Variants in ALDH1L1 observed in about 807,000 individuals in gnomAD.
ALDH1L1 encodes cytosolic 10-formyltetrahydrofolate dehydrogenase.
ALDH1L1 carries 68 observed loss-of-function variants against 101.1 expected under a neutral mutation model. That is an observed-to-expected ratio of 0.67 (90% CI 0.55 to 0.82). The LOEUF (loss-of-function observed/expected upper bound fraction) is 0.82. ALDH1L1 is among the 40% of genes least tolerant of loss of function. The pLI, the probability that ALDH1L1 is intolerant of heterozygous loss-of-function variation, is 0.00. For missense variants in ALDH1L1, 1,087 were observed against 1,172.7 expected, an observed-to-expected ratio of 0.93 and a Z score of 1.07; for synonymous variants, 486 against 470.8, an observed-to-expected ratio of 1.03 and a Z score of -0.42.
At chr3:126,138,043 A>T (rs911607659) in intron 9 of ALDH1L1, 83 bp from the exon 10 acceptor site, 28 of 1,550,644 alleles carry the variant, frequency 1.8e-5, no homozygotes, top group Non-Finnish European at 2.2e-5. Flanking sequence ...GTGGGGCCAA[A>T]CACCCCAGAG....
intron 16 of ALDH1L1, among the ~76,000 whole-genome samples, chr3:126,118,596 G>A (rs779720933): frequency 2.6e-5 from 4 of 152,034 alleles, no homozygotes; most frequent in African/African-American, 7.3e-5. Flanking sequence ...CCCAGTCTGC[G>A]GAGCTTTGAC....
Position 126,112,841 on chromosome 3 carries a change from T to C in ALDH1L1, c.2122A>G (p.Ile708Val), listed in dbSNP as rs779172865. 1 of 1,613,704 alleles carries C rather than the reference T, an allele frequency of 6.2e-7. No individual in the cohort carries two copies. Among genetic ancestry groups the C allele is most frequent in the Admixed American group, 1.7e-5 (1 of 60,030 alleles). The change falls in exon 19 of 23, where the codon ATT becomes GTT. Residue 708 changes from isoleucine (I) to valine (V), a missense_variant. Ile to Val is a conservative substitution (Grantham distance 29). Around this residue, in one of 2 missense-constraint regions of ALDH1L1, gnomAD observed 442 missense variants for 535.7 expected, o/e 0.83. Transcript: ENST00000393434. ...TCCACAAAGAGTCGGCCTGCTGCAATGCAATTCTCTCCTTTGTTGAAGAAA... is the reference window on the plus strand; with the variant it reads ...TCCACAAAGAGTCGGCCTGCTGCAACGCAATTCTCTCCTTTGTTGAAGAAA... ...SVFFNKGENC[I>V]AAGRLFVEDS...
At chr3:126,196,816 C>T (rs1055724734) in intron 1 of ALDH1L1, among the ~76,000 whole-genome samples, 1 of 152,190 alleles carries the variant, frequency 6.6e-6, no homozygotes, top group Non-Finnish European at 1.5e-5. Context: ...AGTACTCATT[C>T]TCTAAGCTTG....
intron 22 of ALDH1L1, chr3:126,104,898 T>C (rs566036869): frequency 1.4e-4 from 21 of 153,458 alleles, no homozygotes; most frequent in African/African-American, 5.1e-4. Flanking sequence ...TGAGACAGCA[T>C]ATGGCTTCCC....
In ALDH1L1 at chr3:126,160,810, G is replaced by A. The variant is rs368379169; in HGVS notation, c.127+43C>T. 23 of 1,602,030 alleles carry A rather than the reference G, an allele frequency of 1.4e-5. No homozygotes were observed. The African/African-American group carries it at 1.5e-4, about 10-fold the overall frequency. On this transcript the variant is annotated intron_variant, in intron 2 of 22. Coordinates refer to ENST00000393434, the MANE Select transcript of ALDH1L1 (RefSeq NM_012190.4). ...CTGCTTCCCTTCTACCTGGATGGGC[G>A]GGCCGCCCTCCATCAGCTTCCCTGC... is the stretch of plus-strand genomic sequence containing the variant.
chr3:126,155,232 C>T (rs2080881427), intron 5 of ALDH1L1, among the ~76,000 whole-genome samples, 170 bp downstream of exon 5: 1 of 152,154 alleles, frequency 6.6e-6, no homozygotes, highest in South Asian at 2.1e-4. Flanking sequence ...CCAGGGTCCT[C>T]CTCCTCCACG....
chr3:126,113,680 C>T (rs1340700564), intron 18 of ALDH1L1, among the ~76,000 whole-genome samples: 9 of 152,214 alleles, frequency 5.9e-5, no homozygotes, highest in Admixed American at 3.9e-4. Context: ...CCCTTTCACA[C>T]CCAAGCTAGG....
chr3:126,130,095 A>C lies in ALDH1L1; in HGVS notation c.1694+128T>G, dbSNP rs2080270104. On this transcript the variant is annotated intron_variant, in intron 14 of 22. Transcript: ENST00000393434. ...GCCTGGCATGGAGCAGGTGCTCAAG[A>C]AGCACATGGATGGCTGTTTGATAAA... 14 of 806,750 alleles carry C rather than the reference A, an allele frequency of 1.7e-5. No homozygotes were observed. In the South Asian group the frequency reaches 4.3e-4, roughly 25 times the overall value. 50.0% of individuals were successfully genotyped at this position (806,750 alleles called of 1,614,324 possible).
intron 1 of ALDH1L1, chr3:126,179,902 C>G (rs936268992): frequency 1.3e-5 from 2 of 152,214 alleles, no homozygotes; most frequent in African/African-American, 4.8e-5. Flanking sequence ...CACGCGCGAC[C>G]GTCCACTTGA....
At chr3:126,155,245 T>C (rs2080881757) in intron 5 of ALDH1L1, among the ~76,000 whole-genome samples, 157 bp downstream of exon 5, 1 of 152,094 alleles carries the variant, frequency 6.6e-6, no homozygotes, top group South Asian at 2.1e-4. Context: ...CCTCCACGGC[T>C]CTCTTCATGC....
In ALDH1L1 at chr3:126,187,293, C is replaced by T. The variant is rs115483773; in HGVS notation, c.-24+10442G>A. Among the ~76,000 whole-genome samples, 1,161 of 150,704 alleles carry T rather than the reference C, an allele frequency of 7.7e-3. 14 individuals carry two copies. Among genetic ancestry groups the T allele is most frequent in the African/African-American group, 0.026 (1,070 of 40,862 alleles). ...AGGGAAGATGTCCAAAAGCAGATTC[C>T]GAGGTGGCTTGAACAGCATCATAAC... On this transcript the variant is annotated intron_variant, in intron 1 of 2. Coordinates refer to the ALDH1L1 transcript ENST00000509952.
At chr3:126,113,681 C>T (rs1946151744) in intron 18 of ALDH1L1, among the ~76,000 whole-genome samples, 1 of 152,190 alleles carries the variant, frequency 6.6e-6, no homozygotes. Flanking sequence ...CCTTTCACAC[C>T]CAAGCTAGGG....
intron 5 of ALDH1L1, among the ~76,000 whole-genome samples, chr3:126,155,094 C>T (rs972813085): frequency 2.6e-5 from 4 of 152,178 alleles, no homozygotes; most frequent in Admixed American, 6.5e-5. Context: ...GAAGACTGCT[C>T]GCACTACGGC....
At chr3:126,157,623 G>T in intron 3 of ALDH1L1, 115 bp from the exon 4 acceptor site, 1 of 1,157,956 alleles carries the variant, frequency 8.6e-7, no homozygotes, top group Non-Finnish European at 1.2e-6. Flanking sequence ...CCAGGGGTAG[G>T]ACTGACACCG....
intron 16 of ALDH1L1, among the ~76,000 whole-genome samples, chr3:126,123,335 GC>G (rs976789310): frequency 6.7e-6 from 1 of 149,738 alleles, no homozygotes; most frequent in African/African-American, 2.5e-5. Flanking sequence ...TCGGATCACT[GC>G]AAACTCCACC....
intron 16 of ALDH1L1, among the ~76,000 whole-genome samples, chr3:126,123,184 T>C (rs547955144): frequency 1.5e-4 from 22 of 151,640 alleles, no homozygotes; most frequent in Non-Finnish European, 2.6e-4. Context: ...AAAACGATCA[T>C]GAAAGATAAA....
Position 126,109,963 on chromosome 3 carries a change from C to G in ALDH1L1, c.2328G>C (p.Gly776=). 1 of 1,614,036 alleles carries G rather than the reference C, an allele frequency of 6.2e-7. No homozygotes were observed. Among genetic ancestry groups the G allele is most frequent in the African/African-American group, 1.3e-5 (1 of 75,050 alleles). ...VKEGATLVCG[G]NQVPRPGFFF... The stretch of plus-strand genomic sequence containing the variant: ...ACTCACCTGGCCGAGGGACCTGATT[C>G]CCGCCGCAGACCAGTGTGGCCCCTT... Residue 776 remains glycine, a synonymous_variant, in exon 20 of 23, where the codon GGG becomes GGC. Transcript: ENST00000393434.
chr3:126,124,110 G>GACACACACACACACAC (rs3841921), intron 16 of ALDH1L1, among the ~76,000 whole-genome samples: 8 of 148,894 alleles, frequency 5.4e-5, no homozygotes, highest in African/African-American at 1.9e-4. Flanking sequence ...AGGGCGCGCG[G>GACACACACACACACAC]ACACACACAC....
At chr3:126,168,295 C>T (rs556326435) in intron 1 of ALDH1L1, among the ~76,000 whole-genome samples, 10 of 152,160 alleles carry the variant, frequency 6.6e-5, no homozygotes, top group Admixed American at 6.5e-5. Flanking sequence ...TGCTAATCTA[C>T]TCTTTAGCAA....
Sources: allele counts gnomAD v4.1 joint callset (sites outside exome capture counted in the v4.1 genomes callset), GRCh38; gene constraint gnomAD v4.1.1; regional missense constraint gnomAD v4.1.1; transcripts MANE v1.5; gene names NCBI Gene and HGNC (gene_info 2026-07-23, HGNC 2026-07-21).